Variants in CHGB observed in about 807,000 individuals in gnomAD.
CHGB encodes the protein chromogranin B, also known as secretogranin-1.
In CHGB, 46 loss-of-function variants were observed where a neutral mutation model predicts 69.9. The ratio of observed to expected loss-of-function variants is 0.66; its 90% confidence interval spans 0.52 to 0.84. The LOEUF is 0.84. Ranked by LOEUF, CHGB falls within the 40% of genes least tolerant of loss-of-function variation. The pLI is 0.00. For missense variants in CHGB, 796 were observed against 822.2 expected (o/e 0.97, Z 0.39); for synonymous variants, 312 against 298.2 (o/e 1.05, Z -0.48).
At chr20:5,922,188 A>G in intron 3 of CHGB, 147 bp from the exon 4 acceptor site, 1 of 1,135,930 alleles carries the variant, frequency 8.8e-7, no homozygotes. Context: ...TTTACTTTCA[A>G]AAGGAATCTG....
At chr20:5,915,287 C>T (rs2088468940) in intron 1 of CHGB, among the ~76,000 whole-genome samples, 1 of 152,194 alleles carries the variant, frequency 6.6e-6, no homozygotes, top group Admixed American at 6.5e-5. Flanking sequence ...GACAAAGCAA[C>T]TTCAAACACT....
In CHGB at chr20:5,922,881, A is replaced by G. The variant is rs2122576955; in HGVS notation, c.737A>G (p.Gln246Arg). 3 of 1,613,812 alleles carry G rather than the reference A, an allele frequency of 1.9e-6. No individual in the cohort carries two copies. Among genetic ancestry groups the G allele is most frequent in the Non-Finnish European group, 2.5e-6 (3 of 1,179,882 alleles). Residue 246 changes from glutamine (Q) to arginine (R), a missense_variant, in exon 4 of 5, where the codon CAG becomes CGG. Transcript: ENST00000378961. Reference sequence around the variant, plus strand: ...GAGAGTGGAGAGGAGACAGGGAGCCAGGAGAATCACCCCCAGGAGTCTAAA... The same window carrying G: ...GAGAGTGGAGAGGAGACAGGGAGCCGGGAGAATCACCCCCAGGAGTCTAAA... ...SQESGEETGS[Q>R]ENHPQESKGQ...
Position 5,918,628 on chromosome 20 carries a change from C to T in CHGB, c.190+1709C>T, listed in dbSNP as rs530234743. Among the ~76,000 whole-genome samples, 20 of 150,972 alleles carry T rather than the reference C, an allele frequency of 1.3e-4. No homozygotes were observed. The South Asian group carries it at 3.6e-3, about 27-fold the overall frequency. On this transcript the variant is annotated intron_variant, in intron 3 of 4. Coordinates refer to ENST00000378961, the MANE Select transcript of CHGB (RefSeq NM_001819.3). The stretch of plus-strand genomic sequence containing the variant: ...GAGATCAAGACCATCCTGTCTAACA[C>T]AGTGAAACCCCATCTCTACTAAAAA...
In CHGB at chr20:5,925,117, GAA is replaced by G; in HGVS notation, c.*70_*71del. ...ATGATCTGTTTTTCACCACTTCACTGAAAGACACCATTTATCTACCCAAGGGC... is the reference window on the plus strand; with the variant it reads ...ATGATCTGTTTTTCACCACTTCACTGAGACACCATTTATCTACCCAAGGGC... On this transcript the variant is annotated 3_prime_UTR_variant, in exon 5 of 5. Transcript: ENST00000378961. The G allele has an allele frequency of 9.8e-7, 1 of 1,021,252 alleles. No individual in the cohort carries two copies. The highest frequency in any genetic ancestry group is 1.4e-5 in the South Asian group (1 of 70,256). 63.3% of individuals were successfully genotyped at this position (1,021,252 alleles called of 1,614,324 possible). A position where few individuals can be genotyped will look rare whatever the true frequency, so the allele number is the denominator to read the frequency against.
chr20:5,919,347 C>T lies in CHGB; in HGVS notation c.190+2428C>T, dbSNP rs535678859. On this transcript the variant is annotated intron_variant, in intron 3 of 4. Coordinates refer to ENST00000378961, the MANE Select transcript of CHGB (RefSeq NM_001819.3). ...TCTAAGGATCCTGGAGATGTTATACCCAGAGAGTGACAGAATGCTGAGATG... is the reference window on the plus strand; with the variant it reads ...TCTAAGGATCCTGGAGATGTTATACTCAGAGAGTGACAGAATGCTGAGATG... Among the ~76,000 whole-genome samples the T allele has an allele frequency of 3.3e-5, 5 of 152,184 alleles. No individual in the cohort carries two copies. The East Asian group carries it at 9.7e-4, about 29-fold the overall frequency.
Position 5,918,927 on chromosome 20 carries a change from A to G in CHGB, c.190+2008A>G, listed in dbSNP as rs573095813. On this transcript the variant is annotated intron_variant, in intron 3 of 4. Coordinates refer to ENST00000378961, the MANE Select transcript of CHGB (RefSeq NM_001819.3). ...GGGCCTGAGCCTTTAGGGACCCTAG[A>G]AACAGTGGATGGAAGCTTTCCTACC... Among the ~76,000 whole-genome samples, 6 of 151,762 alleles carry G rather than the reference A, an allele frequency of 4.0e-5. No individual in the cohort carries two copies. In the South Asian group the frequency reaches 6.3e-4, roughly 16 times the overall value.
At chr20:5,924,421 T>C (rs1461375408) in intron 4 of CHGB, among the ~76,000 whole-genome samples, 1 of 152,216 alleles carries the variant, frequency 6.6e-6, no homozygotes, top group Non-Finnish European at 1.5e-5. Context: ...CATCAGAATA[T>C]TTTAAAGCTT....
In CHGB at chr20:5,922,519, G is replaced by A; in HGVS notation, c.375G>A (p.Glu125=). The change falls in exon 4 of 5, where the codon GAG becomes GAA. Residue 125 remains glutamate, a synonymous_variant. Transcript: ENST00000378961. ...AGGCAGACACAGAGAAATGGGCAGAGGGAGGCGGGCACAGCCGAGAGCGAG... is the reference window on the plus strand; with the variant it reads ...AGGCAGACACAGAGAAATGGGCAGAAGGAGGCGGGCACAGCCGAGAGCGAG... The part of the protein sequence containing the change: ...PTKADTEKWA[E]GGGHSRERAD... 1 of 1,613,040 alleles carries A rather than the reference G, an allele frequency of 6.2e-7. No individual in the cohort carries two copies. Among genetic ancestry groups the A allele is most frequent in the Non-Finnish European group, 8.5e-7 (1 of 1,179,350 alleles).
Position 5,923,820 on chromosome 20 carries a change from A to T in CHGB, c.1676A>T (p.Glu559Val). The T allele has an allele frequency of 1.2e-6, 2 of 1,614,238 alleles. No homozygotes were observed. Among genetic ancestry groups the T allele is most frequent in the Non-Finnish European group, 1.7e-6 (2 of 1,180,042 alleles). The change falls in exon 4 of 5, where the codon GAG becomes GTG. Residue 559 changes from glutamate to valine, a missense_variant. Around this residue, in one of 3 missense-constraint regions of CHGB, gnomAD observed 274 missense variants for 298.9 expected, o/e 0.92. Transcript: ENST00000378961. ...GAGGAAAATGAGCTGACCTTGAACGAGAAGAATTTCTTCCCAGAATACAAC... is the reference window on the plus strand; with the variant it reads ...GAGGAAAATGAGCTGACCTTGAACGTGAAGAATTTCTTCCCAGAATACAAC... ...GEEENELTLN[E>V]KNFFPEYNYD...
In CHGB at chr20:5,911,547, G is replaced by A. The variant is rs2088446211; in HGVS notation, c.-87G>A. 13 of 1,398,618 alleles carry A rather than the reference G, an allele frequency of 9.3e-6. No homozygotes were observed. In the South Asian group the frequency reaches 1.5e-4, roughly 16 times the overall value. 86.6% of individuals were successfully genotyped at this position (1,398,618 alleles called of 1,614,324 possible). ...CCAGGAGGCACGCTGGTTTTCCGGG[G>A]CCGCTCCATCGCGCCTTCCTCCTGC... is the stretch of plus-strand genomic sequence containing the variant. On this transcript the variant is annotated 5_prime_UTR_variant, in exon 1 of 5. Coordinates refer to ENST00000378961, the MANE Select transcript of CHGB (RefSeq NM_001819.3).
At position 5,922,678 on chromosome 20, in the gene CHGB, A is replaced by G. The variant is rs1568551832; in HGVS notation, c.534A>G (p.Arg178=). Residue 178 remains arginine, a synonymous_variant, in exon 4 of 5, where the codon CGA becomes CGG. Coordinates refer to ENST00000378961, the MANE Select transcript of CHGB (RefSeq NM_001819.3). Reference sequence around the variant, plus strand: ...GAGAGAACTATCAAAAAGGGGAGCGAGGGGAAGATAGCAGTGAAGAGAAAC... The same window carrying G: ...GAGAGAACTATCAAAAAGGGGAGCGGGGGGAAGATAGCAGTGAAGAGAAAC... ...EEGENYQKGE[R]GEDSSEEKHL... The G allele has an allele frequency of 1.2e-6, 2 of 1,613,956 alleles. No homozygotes were observed. Among genetic ancestry groups the G allele is most frequent in the Non-Finnish European group, 1.7e-6 (2 of 1,179,856 alleles).
In CHGB at chr20:5,923,383, G is replaced by A. The variant is rs1428370378; in HGVS notation, c.1239G>A (p.Pro413=). The A allele has an allele frequency of 1.4e-5, 22 of 1,613,968 alleles. No homozygotes were observed. The highest frequency in any genetic ancestry group is 2.2e-5 in the East Asian group (1 of 44,864). Residue 413 remains proline, a synonymous_variant, in exon 4 of 5, where the codon CCG becomes CCA. Transcript: ENST00000378961. ...GTGAGGAAGAGAGGGGCCTTGAGCCGGGAAAGGGACGCCATCACAGAGGCA... is the reference window on the plus strand; with the variant it reads ...GTGAGGAAGAGAGGGGCCTTGAGCCAGGAAAGGGACGCCATCACAGAGGCA... The part of the protein sequence containing the change: ...EESEEERGLE[P]GKGRHHRGRG...
At position 5,925,234 on chromosome 20, in the gene CHGB, A is replaced by G. The variant is rs2088543220; in HGVS notation, c.*185A>G. 1 of 490,980 alleles carries G rather than the reference A, an allele frequency of 2.0e-6. No homozygotes were observed. Among genetic ancestry groups the G allele is most frequent in the Non-Finnish European group, 3.6e-6 (1 of 274,526 alleles). 30.4% of individuals were successfully genotyped at this position (490,980 alleles called of 1,614,324 possible). ...GAATGCTATTGAAAATGTGAATTGC[A>G]TGACTTGTAGCATATTCTTTTCTGC... On this transcript the variant is annotated 3_prime_UTR_variant, in exon 5 of 5. Transcript: ENST00000378961.
In CHGB at chr20:5,924,065, G is replaced by T; in HGVS notation, c.1921G>T (p.Asp641Tyr). Residue 641 changes from aspartate (D) to tyrosine (Y), a missense_variant, in exon 4 of 5, where the codon GAC (aspartate) becomes TAC (tyrosine). Coordinates refer to ENST00000378961, the MANE Select transcript of CHGB (RefSeq NM_001819.3). ...STHQEAENEKDRADQTVLTED... is the reference protein window; with the variant it reads ...STHQEAENEKYRADQTVLTED... ...CCACCAGGAGGCAGAAAATGAAAAG[G>T]ACAGGGCTGACCAGACAGTCCTGAC... 2 of 1,613,024 alleles carry T rather than the reference G, an allele frequency of 1.2e-6. No individual in the cohort carries two copies. Among genetic ancestry groups the T allele is most frequent in the South Asian group, 1.1e-5 (1 of 90,942 alleles).
chr20:5,918,158 A>ACAAAACAAAAC (rs1568550357), intron 3 of CHGB, among the ~76,000 whole-genome samples: 1 of 141,974 alleles, frequency 7.0e-6, no homozygotes, highest in African/African-American at 3.0e-5. Context: ...TAAAAAAAAA[A>ACAAAACAAAAC]AAAAAAAAAA....
In CHGB at chr20:5,924,028, G is replaced by T; in HGVS notation, c.1884G>T (p.Glu628Asp). Residue 628 changes from glutamate to aspartate, a missense_variant, in exon 4 of 5, where the codon GAG (glutamate) becomes GAT (aspartate). By Grantham distance (45) the Glu-to-Asp change is conservative. This residue lies in a region of CHGB where 274 missense variants were observed against 298.9 expected (regional missense o/e 0.92). Coordinates refer to ENST00000378961, the MANE Select transcript of CHGB (RefSeq NM_001819.3). ...TTCCAGACTTCTATGATTCTGAGGA[G>T]CCGGTGAGCACCCACCAGGAGGCAG... ...AEFPDFYDSE[E>D]PVSTHQEAEN... 1 of 1,613,788 alleles carries T rather than the reference G, an allele frequency of 6.2e-7. No homozygotes were observed. Among genetic ancestry groups the T allele is most frequent in the Non-Finnish European group, 8.5e-7 (1 of 1,179,862 alleles).
At chr20:5,917,996 A>G (rs947852600) in intron 3 of CHGB, 10 of 150,660 alleles carry the variant, frequency 6.6e-5, no homozygotes, top group Admixed American at 3.3e-4. Flanking sequence ...AAAAAAAAAA[A>G]AATTAGCCAG....
Position 5,922,791 on chromosome 20 carries a change from G to C in CHGB, c.647G>C (p.Arg216Thr). 6.2e-7 allele frequency: 1 copy of C among 1,614,154 alleles called. No individual in the cohort carries two copies. The change falls in exon 4 of 5, where the codon AGA (arginine) becomes ACA (threonine). Residue 216 changes from arginine to threonine, a missense_variant. Transcript: ENST00000378961. The part of the protein sequence containing the change: ...SAIKKEELVA[R>T]SETHAAGHSQ... ...ATAAAAAAAGAGGAGTTAGTGGCCA[G>C]ATCGGAAACACATGCTGCCGGGCAT...
At position 5,922,681 on chromosome 20, in the gene CHGB, G is replaced by A. The variant is rs2088522193; in HGVS notation, c.537G>A (p.Gly179=). ...AGAACTATCAAAAAGGGGAGCGAGG[G>A]GAAGATAGCAGTGAAGAGAAACACC... The part of the protein sequence containing the change: ...EGENYQKGER[G]EDSSEEKHLE... Residue 179 remains glycine (G), a synonymous_variant, in exon 4 of 5, where the codon GGG becomes GGA. Transcript: ENST00000378961. 6.2e-7 allele frequency: 1 copy of A among 1,613,972 alleles called. No individual in the cohort carries two copies. The highest frequency in any genetic ancestry group is 1.1e-5 in the South Asian group (1 of 91,068).
Sources: allele counts gnomAD v4.1 joint callset (sites outside exome capture counted in the v4.1 genomes callset), GRCh38; gene constraint gnomAD v4.1.1; regional missense constraint gnomAD v4.1.1; transcripts MANE v1.5; gene names NCBI Gene and HGNC (gene_info 2026-07-23, HGNC 2026-07-21).